The following ESRRB variants were observed in gnomAD, a reference collection of about 807,000 sequenced individuals.
ESRRB encodes steroid hormone receptor ERR2.
In ESRRB, 16 loss-of-function variants were observed where a neutral mutation model predicts 46.0. The ratio of observed to expected loss-of-function variants is 0.35; its 90% CI spans 0.24 to 0.53. The LOEUF (loss-of-function observed/expected upper bound fraction) is 0.53. Ranked by LOEUF, ESRRB falls within the 20% of genes least tolerant of loss-of-function variation. ESRRB has a pLI of 0.93. For synonymous variants in ESRRB, 246 were observed against 259.6 expected, an observed-to-expected ratio of 0.95 and a Z score of 0.50; for missense variants, 488 against 607.4, an observed-to-expected ratio of 0.80 and a Z score of 2.07.
chr14:76,355,175 G>C (rs1224938567), intron 1 of ESRRB, among the ~76,000 whole-genome samples: 1 of 152,208 alleles, frequency 6.6e-6, no homozygotes, highest in African/African-American at 2.4e-5. Context: ...GCCGGGGCCA[G>C]GTGGCCAGAG....
intron 1 of ESRRB, among the ~76,000 whole-genome samples, chr14:76,332,615 TTATATAAA>T (rs1436788202): frequency 0.039 from 1,341 of 34,106 alleles, 85 homozygotes; most frequent in Non-Finnish European, 0.051. Context: ...TATTTATATA[TTATATAAA>T]TATATATTAT....
intron 5 of ESRRB, among the ~76,000 whole-genome samples, chr14:76,487,269 T>C (rs886182280): frequency 3.9e-5 from 6 of 152,110 alleles, no homozygotes; most frequent in Non-Finnish European, 8.8e-5. Flanking sequence ...ATGAGGTGAG[T>C]GCTGTTATGA....
intron 1 of ESRRB, among the ~76,000 whole-genome samples, chr14:76,431,760 T>C (rs560163439): frequency 1.2e-4 from 18 of 152,202 alleles, no homozygotes; most frequent in Non-Finnish European, 2.1e-4. Context: ...GTCTGTTCCC[T>C]CCCCATGAAG....
At chr14:76,479,337 C>T (rs1334978854) in intron 3 of ESRRB, among the ~76,000 whole-genome samples, 1 of 152,156 alleles carries the variant, frequency 6.6e-6, no homozygotes, top group Non-Finnish European at 1.5e-5. Context: ...AGGCAAGAAG[C>T]GCCAAAGCAG....
chr14:76,409,694 C>T (rs1886350077), intron 1 of ESRRB, among the ~76,000 whole-genome samples: 1 of 152,054 alleles, frequency 6.6e-6, no homozygotes, highest in African/African-American at 2.4e-5. Context: ...TTGGGGACCT[C>T]CCTGGGAGCC....
chr14:76,438,936 A>T (rs1330743499), intron 1 of ESRRB, among the ~76,000 whole-genome samples: 1 of 151,344 alleles, frequency 6.6e-6, no homozygotes, highest in Non-Finnish European at 1.5e-5. Flanking sequence ...AGTAGCTGGG[A>T]CTACAGGCAT....
chr14:76,467,229 G>A (rs1481940487), intron 3 of ESRRB, among the ~76,000 whole-genome samples: 1 of 151,798 alleles, frequency 6.6e-6, no homozygotes, highest in Non-Finnish European at 1.5e-5. Flanking sequence ...GGCTGGGTGC[G>A]GTGGCTCATG....
intron 6 of ESRRB, among the ~76,000 whole-genome samples, chr14:76,496,363 CTGAG>C (rs1450026936): frequency 5.3e-5 from 8 of 152,260 alleles, no homozygotes; most frequent in Non-Finnish European, 1.5e-5. Context: ...GAGGTAGACT[CTGAG>C]TGGGGTCTTA....
chr14:76,403,162 A>G (rs1233706983), intron 1 of ESRRB, among the ~76,000 whole-genome samples: 1 of 152,226 alleles, frequency 6.6e-6, no homozygotes, highest in Non-Finnish European at 1.5e-5. Context: ...CTTTGTATGC[A>G]TGATCTCATT....
chr14:76,376,428 G>C lies in ESRRB; in HGVS notation c.27G>C (p.Pro9=), dbSNP rs1354600759. The C allele has an allele frequency of 7.3e-6, 9 of 1,231,652 alleles. No homozygotes were observed. Among genetic ancestry groups the C allele is most frequent in the Non-Finnish European group, 9.1e-6 (9 of 987,968 alleles). 76.3% of individuals were successfully genotyped at this position (1,231,652 alleles called of 1,614,324 possible). MDVSELCI[P]DPLGYHNQLL... is the part of the protein sequence containing the mutation. ...TGGACGTGTCCGAACTCTGCATCCCGGACCCCCTCGGCTACCACAACCAGT... is the reference window on the plus strand; with the variant it reads ...TGGACGTGTCCGAACTCTGCATCCCCGACCCCCTCGGCTACCACAACCAGT... The change falls in exon 1 of 7, where the codon CCG becomes CCC. Residue 9 remains proline (P), a synonymous_variant. Coordinates refer to ENST00000644823, the MANE Select transcript of ESRRB (RefSeq NM_001379180.1). This position sits in a 1 kb window ranked among gnomAD's most constrained non-coding sequence, Gnocchi z 4.1.
intron 1 of ESRRB, among the ~76,000 whole-genome samples, chr14:76,411,255 C>G (rs1886426935): frequency 6.6e-6 from 1 of 151,850 alleles, no homozygotes; most frequent in African/African-American, 2.4e-5. Flanking sequence ...CAAGACCAGC[C>G]TGATCAACAT....
chr14:76,395,897 G>C (rs554199798), intron 1 of ESRRB, among the ~76,000 whole-genome samples: 1 of 152,136 alleles, frequency 6.6e-6, no homozygotes, highest in African/African-American at 2.4e-5. Context: ...GCCTTCAGCC[G>C]GGCATGGTGG....
At chr14:76,358,391 GAA>G (rs1291210041) in intron 1 of ESRRB, among the ~76,000 whole-genome samples, 25 of 61,836 alleles carry the variant, frequency 4.0e-4, no homozygotes, top group African/African-American at 1.3e-3. Flanking sequence ...AAGAAAGAAA[GAA>G]AGAAAGAAAG....
intron 5 of ESRRB, among the ~76,000 whole-genome samples, chr14:76,484,251 C>T (rs770029026): frequency 1.4e-4 from 21 of 152,174 alleles, no homozygotes; most frequent in East Asian, 1.9e-4. Context: ...TGGACAGGGA[C>T]GCACAGAGAC....
In ESRRB at chr14:76,461,623, C is replaced by G. The variant is rs1207160944; in HGVS notation, c.461-922C>G. Among the ~76,000 whole-genome samples, 3 of 152,336 alleles carry G rather than the reference C, an allele frequency of 2.0e-5. No homozygotes were observed. In the East Asian group the frequency reaches 5.8e-4, roughly 29 times the overall value. On this transcript the variant is annotated intron_variant, in intron 2 of 6. Coordinates refer to ENST00000644823, the MANE Select transcript of ESRRB (RefSeq NM_001379180.1). ...TCCCGGGTTCAAGCAATTCTCCTAT[C>G]TCAGCCTCCCGAGTAGCTGGGATTA...
At position 76,419,775 on chromosome 14, in the gene ESRRB, G is replaced by T. The variant is rs1270009275; in HGVS notation, c.51-19566G>T. On this transcript the variant is annotated intron_variant, in intron 1 of 6. Transcript: ENST00000644823. ...ATAGAAGGTCAAGAACCTGCTGAAG[G>T]TCATGGAGGAAAGAAGGGCAAAGTC... 2.0e-5 allele frequency among the ~76,000 whole-genome samples: 3 copies of T among 152,342 alleles called. No individual in the cohort carries two copies. The East Asian group carries it at 5.8e-4, about 29-fold the overall frequency.
At chr14:76,347,016 G>T (rs185511916) in intron 1 of ESRRB, among the ~76,000 whole-genome samples, 1 of 152,300 alleles carries the variant, frequency 6.6e-6, no homozygotes, top group Admixed American at 6.5e-5. Context: ...CCAGGCCAAG[G>T]CTGGGACCCA....
chr14:76,448,362 C>T (rs1480841309), intron 2 of ESRRB, among the ~76,000 whole-genome samples: 1 of 145,966 alleles, frequency 6.9e-6, no homozygotes, highest in Non-Finnish European at 1.5e-5. Flanking sequence ...GAGTCTCCCT[C>T]TTGTTGCCCA....
intron 5 of ESRRB, among the ~76,000 whole-genome samples, chr14:76,486,194 C>T (rs11625043): frequency 6.6e-6 from 1 of 152,092 alleles, no homozygotes; most frequent in South Asian, 2.1e-4. Context: ...TGGGGAATCA[C>T]TTGATGAATT....
Sources: allele counts gnomAD v4.1 joint callset (sites outside exome capture counted in the v4.1 genomes callset), GRCh38; gene constraint gnomAD v4.1.1; non-coding constraint Gnocchi (gnomAD v3.1); transcripts MANE v1.5; gene names NCBI Gene and HGNC (gene_info 2026-07-23, HGNC 2026-07-21).